The following RASL10B variants were observed in gnomAD, a reference collection of about 807,000 sequenced individuals.
The protein encoded by RASL10B is ras-like protein family member 10B.
A neutral mutation model predicts 20.7 loss-of-function variants in RASL10B; 10 were observed. The observed-to-expected ratio is 0.48, with a 90% confidence interval of 0.30 to 0.82. The LOEUF (loss-of-function observed/expected upper bound fraction) is 0.82. RASL10B is among the 40% of genes least tolerant of loss of function. The pLI, the probability that RASL10B is intolerant of heterozygous loss-of-function variation, is 0.07. For synonymous variants in RASL10B, 110 were observed against 123.3 expected, an observed-to-expected ratio of 0.89 and a Z score of 0.72; for missense variants, 231 against 295.4, an observed-to-expected ratio of 0.78 and a Z score of 1.60.
chr17:35,738,156 A>T (rs1428721494), intron 2 of RASL10B, among the ~76,000 whole-genome samples: 1 of 152,114 alleles, frequency 6.6e-6, no homozygotes, highest in African/African-American at 2.4e-5. Flanking sequence ...AGCATCTTTC[A>T]TAGGTTTAAG....
chr17:35,737,676 C>T (rs1255626321), intron 2 of RASL10B, among the ~76,000 whole-genome samples: 7 of 151,696 alleles, frequency 4.6e-5, no homozygotes, highest in Non-Finnish European at 7.4e-5. Context: ...CTGAGGCAGG[C>T]GGATCACTTG....
At chr17:35,733,671 T>G (rs782506727) in intron 1 of RASL10B, among the ~76,000 whole-genome samples, 9 of 151,982 alleles carry the variant, frequency 5.9e-5, no homozygotes, top group Non-Finnish European at 8.8e-5. Flanking sequence ...AGACAGGAGG[T>G]CTCAGGCATG....
Position 35,742,134 on chromosome 17 carries a change from C to A in RASL10B, c.*829C>A, listed in dbSNP as rs587709806. ...TTGGACAGAGTGTGGAAAGGGAGCC[C>A]CCCAAAGGATAGCTTCTTTTTCATG... On this transcript the variant is annotated 3_prime_UTR_variant, in exon 4 of 4. Coordinates refer to ENST00000603017, the MANE Select transcript of RASL10B (RefSeq NM_033315.4). 1 of 152,362 alleles carries A rather than the reference C, an allele frequency of 6.6e-6. No individual in the cohort carries two copies. The highest frequency in any genetic ancestry group is 1.5e-5 in the Non-Finnish European group (1 of 68,058). The allele number at this position is 152,362 out of a possible 1,614,324, so 9.4% of individuals were successfully genotyped here. A position where few individuals can be genotyped will look rare whatever the true frequency, so the allele number is the denominator to read the frequency against.
Position 35,735,243 on chromosome 17 carries a change from T to C in RASL10B, c.59T>C (p.Ile20Thr). Reference protein sequence around the residue: ...LGARGVGKSAIVRQFLYNEFS... With the variant: ...LGARGVGKSATVRQFLYNEFS... ...GCGCGAGGTGTGGGCAAGAGTGCCA[T>C]CGTGCGCCAGTTCTTGTACAACGAG... Residue 20 changes from isoleucine (I) to threonine (T), a missense_variant, in exon 2 of 4, where the codon ATC (isoleucine) becomes ACC (threonine). Ile to Thr is a moderately conservative substitution (Grantham distance 89, BLOSUM62 -1). Coordinates refer to ENST00000603017, the MANE Select transcript of RASL10B (RefSeq NM_033315.4). The surrounding 1 kb of genome is among the most constrained non-coding windows in gnomAD (Gnocchi z 6.7). The C allele has an allele frequency of 6.2e-7, 1 of 1,613,518 alleles. No homozygotes were observed. Among genetic ancestry groups the C allele is most frequent in the Non-Finnish European group, 8.5e-7 (1 of 1,180,004 alleles).
chr17:35,732,374 G>T (rs773973265), intron 1 of RASL10B, among the ~76,000 whole-genome samples: 1 of 152,228 alleles, frequency 6.6e-6, no homozygotes, highest in South Asian at 2.1e-4. Context: ...CTTGCCGGGC[G>T]CTGTCTGCAG....
chr17:35,741,322 G>T lies in RASL10B; in HGVS notation c.*17G>T. The T allele has an allele frequency of 6.9e-7, 1 of 1,445,488 alleles. No individual in the cohort carries two copies. Among genetic ancestry groups the T allele is most frequent in the Non-Finnish European group, 9.1e-7 (1 of 1,099,372 alleles). 89.5% of individuals were successfully genotyped at this position (1,445,488 alleles called of 1,614,324 possible). ...ATCATGTGACGCCTGCGCGCCCCTC[G>T]GGCTGCACCGGCACTGGCCGAGCGG... On this transcript the variant is annotated 3_prime_UTR_variant, in exon 4 of 4. Transcript: ENST00000603017.
At chr17:35,740,309 A>G in intron 2 of RASL10B, 100 bp from the exon 3 acceptor site, 2 of 1,469,842 alleles carry the variant, frequency 1.4e-6, no homozygotes. Flanking sequence ...CTTCAGGTGC[A>G]GTGGCAGGTG....
At chr17:35,738,943 C>T (rs1185901677) in intron 2 of RASL10B, among the ~76,000 whole-genome samples, 6 of 152,146 alleles carry the variant, frequency 3.9e-5, no homozygotes, top group Admixed American at 1.3e-4. Flanking sequence ...TGGGAGCATC[C>T]GTATACACAG....
chr17:35,740,538 G>C lies in RASL10B; in HGVS notation c.341+5G>C. 1 of 1,612,976 alleles carries C rather than the reference G, an allele frequency of 6.2e-7. No homozygotes were observed. The highest frequency in any genetic ancestry group is 8.5e-7 in the Non-Finnish European group (1 of 1,179,502). The stretch of plus-strand genomic sequence containing the variant: ...CCAGCAGATCCTGGAGACGAGGTGA[G>C]AGGCTGGAACACAGTCCATTGCCAC... On this transcript the variant is annotated splice_donor_5th_base_variant and intron_variant, in intron 3 of 3. Transcript: ENST00000603017.
Position 35,735,172 on chromosome 17 carries a change from T to C in RASL10B, c.-13T>C. ...CAGCGGCAAGGACGAGGTGGCGGAG[T>C]GGGGCGGGAGGCATGGTCTCCACCT... On this transcript the variant is annotated 5_prime_UTR_variant, in exon 2 of 4. Coordinates refer to ENST00000603017, the MANE Select transcript of RASL10B (RefSeq NM_033315.4). The surrounding 1 kb of genome is among the most constrained non-coding windows in gnomAD (Gnocchi z 6.7). 2 of 1,600,920 alleles carry C rather than the reference T, an allele frequency of 1.2e-6. No homozygotes were observed. The highest frequency in any genetic ancestry group is 2.2e-5 in the South Asian group (2 of 90,974).
Position 35,735,137 on chromosome 17 carries a change from G to C in RASL10B, c.-48G>C. The C allele has an allele frequency of 6.4e-7, 1 of 1,568,724 alleles. No individual in the cohort carries two copies. Among genetic ancestry groups the C allele is most frequent in the South Asian group, 1.1e-5 (1 of 89,792 alleles). On this transcript the variant is annotated 5_prime_UTR_variant, in exon 2 of 4. Coordinates refer to ENST00000603017, the MANE Select transcript of RASL10B (RefSeq NM_033315.4). The surrounding 1 kb of genome is among the most constrained non-coding windows in gnomAD (Gnocchi z 6.7). ...AGCCCCTGGAATATGCAGCCCGGGG[G>C]AGCCCCAGACAGCGGCAAGGACGAG... is the stretch of plus-strand genomic sequence containing the variant.
At chr17:35,738,742 GA>G (rs1455452873) in intron 2 of RASL10B, among the ~76,000 whole-genome samples, 1 of 152,090 alleles carries the variant, frequency 6.6e-6, no homozygotes, top group Admixed American at 6.5e-5. Context: ...TCTCTTTTAG[GA>G]ACCCCCAGAG....
chr17:35,733,115 T>G (rs895274176), intron 1 of RASL10B, among the ~76,000 whole-genome samples: 13 of 151,828 alleles, frequency 8.6e-5, no homozygotes, highest in Non-Finnish European at 1.6e-4. Flanking sequence ...TTTTGGGGGG[T>G]TTGTTTGTTT....
intron 2 of RASL10B, among the ~76,000 whole-genome samples, chr17:35,738,876 C>G (rs1040988574): frequency 1.3e-4 from 20 of 152,260 alleles, no homozygotes; most frequent in African/African-American, 4.8e-4. Context: ...CTTGAAGAGA[C>G]TGGGAGCTTC....
At chr17:35,737,894 C>G (rs1275475547) in intron 2 of RASL10B, among the ~76,000 whole-genome samples, 10 of 133,446 alleles carry the variant, frequency 7.5e-5, no homozygotes, top group African/African-American at 3.0e-4. Flanking sequence ...GAGTGAGGCC[C>G]TGTCTCAAAA....
chr17:35,737,581 G>C (rs183414868), intron 2 of RASL10B, among the ~76,000 whole-genome samples: 20 of 152,232 alleles, frequency 1.3e-4, no homozygotes, highest in Admixed American at 4.6e-4. Context: ...AAATGGCACT[G>C]CTGGATCACA....
At position 35,742,736 on chromosome 17, in the gene RASL10B, G is replaced by A. The variant is rs1338160403; in HGVS notation, c.*1431G>A. 6.6e-6 allele frequency: 1 copy of A among 152,480 alleles called. No individual in the cohort carries two copies. The highest frequency in any genetic ancestry group is 2.4e-5 in the African/African-American group (1 of 41,426). The allele number at this position is 152,480 out of a possible 1,614,324, so 9.4% of individuals were successfully genotyped here. On this transcript the variant is annotated 3_prime_UTR_variant, in exon 4 of 4. Transcript: ENST00000603017. ...CCTTGAGGCTGAGCCCTCAGCCCTG[G>A]CCTGGTGGGGGGACAGCAAGGTCCC...
chr17:35,740,136 A>T (rs949518321), intron 2 of RASL10B, among the ~76,000 whole-genome samples: 3 of 152,248 alleles, frequency 2.0e-5, no homozygotes, highest in East Asian at 1.9e-4. Context: ...TGAGGGCACG[A>T]CATGGAGCAA....
Position 35,741,370 on chromosome 17 carries a change from C to T in RASL10B, c.*65C>T, listed in dbSNP as rs2085628391. The T allele has an allele frequency of 7.3e-7, 1 of 1,367,902 alleles. No individual in the cohort carries two copies. 84.7% of individuals were successfully genotyped at this position (1,367,902 alleles called of 1,614,324 possible). On this transcript the variant is annotated 3_prime_UTR_variant, in exon 4 of 4. Transcript: ENST00000603017. ...CGGAGGGCGGGGCCGTACTGCGGGG[C>T]TGGGGCGGGGAGCGGGCGGGAAATG...
Sources: allele counts gnomAD v4.1 joint callset (sites outside exome capture counted in the v4.1 genomes callset), GRCh38; gene constraint gnomAD v4.1.1; non-coding constraint Gnocchi (gnomAD v3.1); transcripts MANE v1.5; gene names NCBI Gene and HGNC (gene_info 2026-07-23, HGNC 2026-07-21).